IFT27: variants seen among roughly 807,000 people sequenced by gnomAD.
The protein encoded by IFT27 is intraflagellar transport protein 27 homolog.
Under a neutral mutation model 23.9 loss-of-function variants are expected in IFT27, and 19 were observed. The observed-to-expected ratio is 0.79, with a 90% CI of 0.55 to 1.16. The LOEUF is 1.16. Ranked by LOEUF, IFT27 falls within the 50% of genes most tolerant of loss-of-function variation. The probability of loss-of-function intolerance (pLI) is 0.00; values close to 1 mark genes in which losing one functional copy is unlikely to be tolerated. For missense variants in IFT27, 206 were observed against 228.7 expected, an observed-to-expected ratio of 0.90 and a Z score of 0.64; for synonymous variants, 91 against 89.1, an observed-to-expected ratio of 1.02 and a Z score of -0.12.
intron 1 of IFT27, among the ~76,000 whole-genome samples, chr22:36,773,102 G>A (rs1267839490): frequency 2.0e-5 from 3 of 152,230 alleles, no homozygotes; most frequent in Non-Finnish European, 4.4e-5. Context: ...GCTCACGCCT[G>A]TAATCCCAGC....
intron 1 of IFT27, among the ~76,000 whole-genome samples, chr22:36,770,910 A>T (rs1157870204): frequency 6.6e-6 from 1 of 152,184 alleles, no homozygotes; most frequent in Non-Finnish European, 1.5e-5. Flanking sequence ...AGGCTCTGCC[A>T]ATGGGAGTTC....
At chr22:36,759,623 G>C (rs1938024957) in intron 6 of IFT27, 1 of 152,222 alleles carries the variant, frequency 6.6e-6, no homozygotes, top group Admixed American at 6.5e-5. Flanking sequence ...CAAGACAGCA[G>C]CTCAAGCTAT....
intron 6 of IFT27, 133 bp downstream of exon 6, chr22:36,762,771 A>C: frequency 2.0e-6 from 1 of 489,184 alleles, no homozygotes; most frequent in South Asian, 5.1e-5. Flanking sequence ...TCGGGTAAGA[A>C]TGTAAACATC....
At chr22:36,765,936 G>T (rs544475590) in intron 4 of IFT27, among the ~76,000 whole-genome samples, 1 of 152,226 alleles carries the variant, frequency 6.6e-6, no homozygotes, top group East Asian at 1.9e-4. Flanking sequence ...CCAGAGCTGG[G>T]GCCCGGGCAG....
intron 1 of IFT27, among the ~76,000 whole-genome samples, chr22:36,771,370 GC>G (rs1938382333): frequency 6.6e-6 from 1 of 152,170 alleles, no homozygotes; most frequent in African/African-American, 2.4e-5. Context: ...TTTTTGCCTG[GC>G]CCCTGACTTA....
chr22:36,771,576 G>T (rs1163427153), intron 1 of IFT27, among the ~76,000 whole-genome samples: 1 of 152,102 alleles, frequency 6.6e-6, no homozygotes. Flanking sequence ...GCCGGGCAGG[G>T]CCCCTTCCTC....
chr22:36,764,265 T>C (rs1429766158), intron 4 of IFT27, among the ~76,000 whole-genome samples: 1 of 152,274 alleles, frequency 6.6e-6, no homozygotes, highest in East Asian at 1.9e-4. Context: ...CAAGAGCTCA[T>C]GTCTGGGCCA....
Position 36,758,374 on chromosome 22 carries a change from G to T in IFT27, c.498C>A (p.Cys166Ter), listed in dbSNP as rs369096634. ...EMENFEAPFH[C>*]LAKQFHQLYR... is the part of the protein sequence containing the mutation. ...ACAGCTGGTGGAACTGCTTGGCAAGGCAGTGGAAAGGGGCTTCGAAGTTTT... is the reference window on the plus strand; with the variant it reads ...ACAGCTGGTGGAACTGCTTGGCAAGTCAGTGGAAAGGGGCTTCGAAGTTTT... The change falls in exon 7 of 7, where the codon TGC (cysteine) becomes TGA (stop). Residue 166 changes from cysteine (C) to a stop codon, truncating the protein, a stop_gained. Coordinates refer to ENST00000433985, the MANE Select transcript of IFT27 (RefSeq NM_001177701.3). LOFTEE classifies it high-confidence loss of function. The T allele has an allele frequency of 3.1e-6, 5 of 1,614,038 alleles. No individual in the cohort carries two copies. Among genetic ancestry groups the T allele is most frequent in the Non-Finnish European group, 4.2e-6 (5 of 1,180,036 alleles).
chr22:36,767,173 T>G, intron 3 of IFT27, 133 bp downstream of exon 3: 1 of 653,014 alleles, frequency 1.5e-6, no homozygotes. Context: ...TTCCCGATTC[T>G]ATTCCGAAAT....
rs528816441 is a variant in IFT27 at position 36,764,750 on chromosome 22, C to T, written c.235-714G>A. ...ATGACCCAATTAAGAGCCAAGGCTA[C>T]ACTCTCAGGGGCTGTCGCCTTCAGG... On this transcript the variant is annotated intron_variant, in intron 4 of 6. Transcript: ENST00000433985. Among the ~76,000 whole-genome samples the T allele has an allele frequency of 7.9e-5, 12 of 152,362 alleles. No homozygotes were observed. The South Asian group carries it at 1.0e-3, about 13-fold the overall frequency.
chr22:36,762,824 T>C, intron 6 of IFT27, 80 bp downstream of exon 6: 1 of 791,806 alleles, frequency 1.3e-6, no homozygotes, highest in Non-Finnish European at 1.9e-6. Context: ...AACAGCTCCC[T>C]GCACGTGAGG....
At chr22:36,768,426 C>G (rs892714823) in intron 1 of IFT27, 12 of 253,288 alleles carry the variant, frequency 4.7e-5, no homozygotes, top group Non-Finnish European at 8.7e-5. Flanking sequence ...TGCTCCATCT[C>G]CATCGCAGAA....
At chr22:36,763,193 C>T (rs1938144917) in intron 5 of IFT27, 180 bp from the exon 6 acceptor site, 2 of 450,648 alleles carry the variant, frequency 4.4e-6, no homozygotes, top group African/African-American at 2.0e-5. Context: ...CCAAGGGCCA[C>T]AGAGAGACAG....
At chr22:36,761,961 A>C (rs768696505) in intron 6 of IFT27, 21 of 152,404 alleles carry the variant, frequency 1.4e-4, no homozygotes, top group Non-Finnish European at 2.9e-4. Flanking sequence ...AAAGGCCACA[A>C]GGTGAGGTCC....
In IFT27 at chr22:36,763,793, C is replaced by A. The variant is rs770490123; in HGVS notation, c.352+126G>T. 3.2e-5 allele frequency: 24 copies of A among 753,064 alleles called. No homozygotes were observed. In the African/African-American group the frequency reaches 4.0e-4, roughly 12 times the overall value. 46.6% of individuals were successfully genotyped at this position (753,064 alleles called of 1,614,324 possible). On this transcript the variant is annotated intron_variant, in intron 5 of 6. Transcript: ENST00000433985. Reference sequence around the variant, plus strand: ...TGCTAAGTGGCAGGGCCAGTGTACGCCTTAGGCCATCAAAGTCCAAGCCCA... The same window carrying A: ...TGCTAAGTGGCAGGGCCAGTGTACGACTTAGGCCATCAAAGTCCAAGCCCA...
intron 6 of IFT27, chr22:36,758,741 A>C (rs538035282): frequency 2.4e-5 from 6 of 254,946 alleles, no homozygotes; most frequent in Non-Finnish European, 4.6e-5. Context: ...ACCTTTCCTC[A>C]GTTTTGACTG....
chr22:36,764,741 C>T (rs1938199806), intron 4 of IFT27, among the ~76,000 whole-genome samples: 1 of 152,242 alleles, frequency 6.6e-6, no homozygotes, highest in African/African-American at 2.4e-5. Context: ...CAATTAAGAG[C>T]CAAGGCTACA....
rs562841827 is a variant in IFT27 at position 36,772,347 on chromosome 22, T to C, written c.34+3327A>G. 12 of 248,804 alleles carry C rather than the reference T, an allele frequency of 4.8e-5. No homozygotes were observed. In the South Asian group the frequency reaches 1.8e-3, roughly 37 times the overall value. The allele number at this position is 248,804 out of a possible 1,614,324, so 15.4% of individuals were successfully genotyped here. ...GAGTTTAAATCAGTTACTTAACCTC[T>C]CTGTGCCTCAGCTGCAACATGTATA... is the stretch of plus-strand genomic sequence containing the variant. On this transcript the variant is annotated intron_variant, in intron 1 of 6. Transcript: ENST00000433985.
rs78544438 is a variant in IFT27, at chr22:36,758,247, T to C, written c.*64A>G. On this transcript the variant is annotated 3_prime_UTR_variant, in exon 7 of 7. Transcript: ENST00000433985. Reference sequence around the variant, plus strand: ...CTAATTTTATTTAAAGCCATCATTATATATTAAAAGAGCAGAGGTAATTCT... The same window carrying C: ...CTAATTTTATTTAAAGCCATCATTACATATTAAAAGAGCAGAGGTAATTCT... 1,190 of 1,233,260 alleles carry C rather than the reference T, an allele frequency of 9.6e-4. 16 individuals carry two copies. The African/African-American group carries it at 0.016, about 16-fold the overall frequency. 76.4% of individuals were successfully genotyped at this position (1,233,260 alleles called of 1,614,324 possible). A position where few individuals can be genotyped will look rare whatever the true frequency, so the allele number is the denominator to read the frequency against.
Sources: gnomAD v4.1 joint callset for allele counts (sites outside exome capture counted in the v4.1 genomes callset) on GRCh38, gnomAD v4.1.1 for gene constraint, MANE v1.5 for transcripts, NCBI Gene and HGNC (gene_info 2026-07-23, HGNC 2026-07-21) for gene names.